The following FBXL7 variants were observed in gnomAD, a reference collection of about 807,000 sequenced individuals.
FBXL7 encodes the protein F-box and leucine rich repeat protein 7.
Under a neutral mutation model 38.3 loss-of-function variants are expected in FBXL7, and 12 were observed. The observed-to-expected ratio is 0.31, with a 90% CI of 0.20 to 0.51. The LOEUF (loss-of-function observed/expected upper bound fraction) is 0.51, where lower values mean the gene tolerates loss of function less well. FBXL7 is among the 20% of genes least tolerant of loss of function. The pLI is 0.98. For missense variants in FBXL7, 567 were observed against 676.4 expected, an observed-to-expected ratio of 0.84 and a Z score of 1.79; for synonymous variants, 297 against 300.9, an observed-to-expected ratio of 0.99 and a Z score of 0.13.
chr5:15,642,039 G>T (rs1273227980), intron 2 of FBXL7, among the ~76,000 whole-genome samples: 1 of 150,182 alleles, frequency 6.7e-6, no homozygotes, highest in Non-Finnish European at 1.5e-5. Context: ...AATGTGATGT[G>T]ATCTCTGGCA....
In FBXL7 at chr5:15,923,192, G is replaced by A. The variant is rs186844552; in HGVS notation, c.128-4698G>A. 5.7e-4 allele frequency among the ~76,000 whole-genome samples: 87 copies of A among 152,298 alleles called. 1 individual carries two copies. Among genetic ancestry groups the A allele is most frequent in the African/African-American group, 2.1e-3 (86 of 41,558 alleles). ...ATCGGGGTCCCTGTTTCTACTCTCAGAAGAATCAGCAGCTATTGCCAATGT... is the reference window on the plus strand; with the variant it reads ...ATCGGGGTCCCTGTTTCTACTCTCAAAAGAATCAGCAGCTATTGCCAATGT... On this transcript the variant is annotated intron_variant, in intron 2 of 3. Coordinates refer to ENST00000504595, the MANE Select transcript of FBXL7 (RefSeq NM_012304.5).
intron 1 of FBXL7, among the ~76,000 whole-genome samples, chr5:15,537,783 C>A (rs1316598848): frequency 6.6e-6 from 1 of 152,212 alleles, no homozygotes; most frequent in Non-Finnish European, 1.5e-5. Flanking sequence ...GTAAGTCTCC[C>A]ATGAGCAGGA....
At chr5:15,584,362 T>G (rs1739240837) in intron 1 of FBXL7, among the ~76,000 whole-genome samples, 1 of 152,212 alleles carries the variant, frequency 6.6e-6, no homozygotes, top group Non-Finnish European at 1.5e-5. Flanking sequence ...TTCCAAACTT[T>G]TATGCTCTGC....
chr5:15,809,848 G>A (rs1737811543), intron 2 of FBXL7, among the ~76,000 whole-genome samples: 1 of 152,168 alleles, frequency 6.6e-6, no homozygotes, highest in African/African-American at 2.4e-5. Flanking sequence ...ATGCCTGTTT[G>A]AAACACAGTA....
At chr5:15,605,587 G>C (rs1322892218) in intron 1 of FBXL7, among the ~76,000 whole-genome samples, 1 of 152,136 alleles carries the variant, frequency 6.6e-6, no homozygotes, top group Non-Finnish European at 1.5e-5. Flanking sequence ...AGGGGAGGGA[G>C]GAATGAGGAG....
At chr5:15,747,060 G>T (rs1736035058) in intron 2 of FBXL7, among the ~76,000 whole-genome samples, 1 of 152,182 alleles carries the variant, frequency 6.6e-6, no homozygotes, top group African/African-American at 2.4e-5. Flanking sequence ...ACCTGGGAAT[G>T]AGTGTGGAGG....
Position 15,751,273 on chromosome 5 carries a change from G to A in FBXL7, c.127+135201G>A, listed in dbSNP as rs145809276. ...AAATTTTTCTTTTCACTTTTTCTTT[G>A]ATCAGTGGTCAGATGGTAACTGGAA... is the stretch of plus-strand genomic sequence containing the variant. On this transcript the variant is annotated intron_variant, in intron 2 of 3. Transcript: ENST00000504595. 4.5e-4 allele frequency among the ~76,000 whole-genome samples: 69 copies of A among 152,050 alleles called. 1 individual carries two copies. Among genetic ancestry groups the A allele is most frequent in the Middle Eastern group, 6.8e-3 (2 of 292 alleles).
intron 2 of FBXL7, among the ~76,000 whole-genome samples, chr5:15,884,320 G>A (rs1261458470): frequency 6.6e-6 from 1 of 151,812 alleles, no homozygotes; most frequent in Non-Finnish European, 1.5e-5. Context: ...AGGCTGGAGT[G>A]CAGTGGTGCG....
rs1736897437 is a variant in FBXL7 at position 15,515,001 on chromosome 5, A to G, written c.37+14288A>G. 2.0e-5 allele frequency among the ~76,000 whole-genome samples: 3 copies of G among 152,244 alleles called. No homozygotes were observed. In the South Asian group the frequency reaches 6.2e-4, roughly 32 times the overall value. ...AGTTTGCCTTCTCTCCTTGCCTTTCATAAGGTGATCCCACGGGTATTTTCC... is the reference window on the plus strand; with the variant it reads ...AGTTTGCCTTCTCTCCTTGCCTTTCGTAAGGTGATCCCACGGGTATTTTCC... On this transcript the variant is annotated intron_variant, in intron 1 of 3. Transcript: ENST00000504595.
At chr5:15,869,027 G>A (rs1209897288) in intron 2 of FBXL7, among the ~76,000 whole-genome samples, 1 of 152,110 alleles carries the variant, frequency 6.6e-6, no homozygotes, top group Non-Finnish European at 1.5e-5. Context: ...GGCTTTGGTT[G>A]TCTCAAAGCT....
At chr5:15,869,196 T>C (rs1739846978) in intron 2 of FBXL7, among the ~76,000 whole-genome samples, 1 of 152,174 alleles carries the variant, frequency 6.6e-6, no homozygotes. Flanking sequence ...TAGCCTAATC[T>C]TGGAAGTGAT....
intron 1 of FBXL7, among the ~76,000 whole-genome samples, chr5:15,519,250 G>A (rs572743840): frequency 1.3e-5 from 2 of 152,174 alleles, no homozygotes; most frequent in African/African-American, 2.4e-5. Flanking sequence ...GGCTGAGGCC[G>A]GAGAATCCCT....
intron 2 of FBXL7, among the ~76,000 whole-genome samples, chr5:15,693,696 T>C (rs1330472704): frequency 6.6e-6 from 1 of 152,102 alleles, no homozygotes; most frequent in Non-Finnish European, 1.5e-5. Flanking sequence ...AGGAACACAC[T>C]GGCAGAAGAA....
At chr5:15,647,262 G>T (rs922774154) in intron 2 of FBXL7, among the ~76,000 whole-genome samples, 1 of 152,210 alleles carries the variant, frequency 6.6e-6, no homozygotes. Context: ...AAGCCTAATA[G>T]TTATTCACAT....
intron 2 of FBXL7, among the ~76,000 whole-genome samples, chr5:15,895,393 T>C (rs1741066098): frequency 6.6e-6 from 1 of 152,126 alleles, no homozygotes; most frequent in Non-Finnish European, 1.5e-5. Context: ...GTATCATGCT[T>C]AGCACATGGA....
intron 1 of FBXL7, among the ~76,000 whole-genome samples, chr5:15,550,943 A>T (rs1319212543): frequency 1.3e-5 from 2 of 152,228 alleles, no homozygotes; most frequent in Non-Finnish European, 2.9e-5. Flanking sequence ...ACAGTAGCAT[A>T]TGAACAAATG....
At chr5:15,803,737 G>T (rs1406921239) in intron 2 of FBXL7, among the ~76,000 whole-genome samples, 1 of 152,154 alleles carries the variant, frequency 6.6e-6, no homozygotes, top group Non-Finnish European at 1.5e-5. Context: ...GATAAATTTT[G>T]ATAGCATCTT....
chr5:15,648,718 T>C (rs2126566770), intron 2 of FBXL7, among the ~76,000 whole-genome samples: 1 of 152,324 alleles, frequency 6.6e-6, no homozygotes, highest in East Asian at 1.9e-4. Flanking sequence ...ACAGTAATTT[T>C]CCATGCCTCC....
chr5:15,572,828 A>G (rs1013156333), intron 1 of FBXL7, among the ~76,000 whole-genome samples: 2 of 152,120 alleles, frequency 1.3e-5, no homozygotes, highest in Non-Finnish European at 2.9e-5. Context: ...AAACTCTCCC[A>G]CTGCCCCATA....
Sources: allele counts gnomAD v4.1 joint callset (sites outside exome capture counted in the v4.1 genomes callset), GRCh38; gene constraint gnomAD v4.1.1; transcripts MANE v1.5; gene names NCBI Gene and HGNC (gene_info 2026-07-23, HGNC 2026-07-21).